Variants in TCF4 observed in about 807,000 individuals in gnomAD.
TCF4 encodes the protein SL3-3 enhancer factor 2.
Under a neutral mutation model 82.1 loss-of-function variants are expected in TCF4, and 3 were observed. The ratio of observed to expected loss-of-function variants is 0.04; its 90% confidence interval spans 0.02 to 0.09. The LOEUF is 0.09. Among genes scored for constraint, TCF4 ranks in the 10% least tolerant of loss-of-function variants. TCF4 has a pLI of 1.00. For missense variants in TCF4, 518 were observed against 852.7 expected (o/e 0.61, Z 4.89); for synonymous variants, 276 against 309.6 (o/e 0.89, Z 1.14).
At chr18:55,257,605 C>G in intron 13 of TCF4, 1 of 594,656 alleles carries the variant, frequency 1.7e-6, no homozygotes. Flanking sequence ...TCACAATTCC[C>G]CCAGGCTGGC....
intron 3 of TCF4, among the ~76,000 whole-genome samples, chr18:55,563,375 G>A (rs898461439): frequency 2.0e-5 from 3 of 151,608 alleles, no homozygotes; most frequent in African/African-American, 7.3e-5. Context: ...TTTCTCATCC[G>A]TGAATTCAAG....
intron 5 of TCF4, among the ~76,000 whole-genome samples, chr18:55,458,530 G>A (rs1022904695): frequency 3.3e-5 from 5 of 152,200 alleles, no homozygotes; most frequent in East Asian, 1.9e-4. Flanking sequence ...ATTAATTGTC[G>A]TTAATTTCTT....
At chr18:55,548,343 A>G (rs2097224450) in intron 3 of TCF4, among the ~76,000 whole-genome samples, 2 of 152,212 alleles carry the variant, frequency 1.3e-5, no homozygotes, top group African/African-American at 4.8e-5. Context: ...CTGTAGCCAC[A>G]CAGATCTTGC....
intron 6 of TCF4, chr18:55,400,930 T>C (rs1166462730): frequency 4.7e-6 from 6 of 1,284,798 alleles, no homozygotes; most frequent in African/African-American, 1.5e-5. Flanking sequence ...CATCTGAAGG[T>C]TTCCTATTCC....
intron 14 of TCF4, among the ~76,000 whole-genome samples, chr18:55,256,268 C>T (rs564830398): frequency 6.6e-6 from 1 of 152,088 alleles, no homozygotes; most frequent in African/African-American, 2.4e-5. Context: ...ACTATACACC[C>T]CGTCTTTACA....
chr18:55,528,541 C>A (rs2097019284), intron 3 of TCF4, among the ~76,000 whole-genome samples: 1 of 152,180 alleles, frequency 6.6e-6, no homozygotes, highest in Non-Finnish European at 1.5e-5. Flanking sequence ...GATATTCTAA[C>A]AGTATATTTT....
chr18:55,347,273 A>C (rs1484403633), intron 8 of TCF4, among the ~76,000 whole-genome samples: 1 of 152,280 alleles, frequency 6.6e-6, no homozygotes, highest in Admixed American at 6.5e-5. Flanking sequence ...GAAGATAAAA[A>C]TGTACTGCAG....
In TCF4 at chr18:55,426,099, T is replaced by TTATATATATA. The variant is rs35262105; in HGVS notation, c.305-22591_305-22582dup. On this transcript the variant is annotated intron_variant, in intron 5 of 19. Transcript: ENST00000354452. Reference sequence around the variant, plus strand: ...AAAACACAAACCAAGACAAAAAATTTTATATATATATATATATATACACAC... The same window carrying TTATATATATA: ...AAAACACAAACCAAGACAAAAAATTTTATATATATATATATATATATATATATATACACAC... Among the ~76,000 whole-genome samples, 214 of 139,128 alleles carry TTATATATATA rather than the reference T, an allele frequency of 1.5e-3. 1 individual carries two copies. The highest frequency in any genetic ancestry group is 3.8e-3 in the African/African-American group (136 of 35,386). The allele number at this position is 139,128 out of a possible 152,430, so 91.3% of individuals were successfully genotyped here.
intron 3 of TCF4, among the ~76,000 whole-genome samples, chr18:55,573,515 C>T (rs1268390646): frequency 6.6e-6 from 1 of 152,212 alleles, no homozygotes; most frequent in Non-Finnish European, 1.5e-5. Flanking sequence ...AGACACAAAT[C>T]TGATTAGCAG....
intron 5 of TCF4, among the ~76,000 whole-genome samples, chr18:55,430,745 GA>G (rs553724147): frequency 9.4e-4 from 143 of 152,306 alleles, no homozygotes; most frequent in African/African-American, 3.3e-3. Flanking sequence ...AACAGGGCTA[GA>G]AAAAAATCAT....
intron 3 of TCF4, among the ~76,000 whole-genome samples, chr18:55,509,905 T>C (rs2096806412): frequency 6.6e-6 from 1 of 152,178 alleles, no homozygotes; most frequent in South Asian, 2.1e-4. Flanking sequence ...AAGCGTAGCT[T>C]TCAAGAGTTG....
intron 3 of TCF4, among the ~76,000 whole-genome samples, chr18:55,560,420 A>C (rs1488466846): frequency 6.6e-6 from 1 of 152,202 alleles, no homozygotes; most frequent in African/African-American, 2.4e-5. Flanking sequence ...TGTCATCAGA[A>C]GAGTTAATTC....
intron 3 of TCF4, among the ~76,000 whole-genome samples, chr18:55,491,370 G>A (rs1039157452): frequency 5.0e-4 from 76 of 152,140 alleles, no homozygotes; most frequent in African/African-American, 1.8e-3. Flanking sequence ...GCAATCCGCA[G>A]GCACCTGTCA....
intron 5 of TCF4, among the ~76,000 whole-genome samples, chr18:55,440,145 A>G (rs972149313): frequency 5.3e-5 from 8 of 152,254 alleles, no homozygotes; most frequent in East Asian, 1.9e-4. Context: ...CCCAGCCACA[A>G]TCATTTTTCT....
rs1200609679 is a variant in TCF4 at position 55,227,015 on chromosome 18, T to C, written c.*1020A>G. Reference sequence around the variant, plus strand: ...CCAGAATAGGTTCACAAACGCAACATTACAATTCAGACAAACTCTTTTTGC... The same window carrying C: ...CCAGAATAGGTTCACAAACGCAACACTACAATTCAGACAAACTCTTTTTGC... On this transcript the variant is annotated 3_prime_UTR_variant, in exon 20 of 20. Coordinates refer to ENST00000354452, the MANE Select transcript of TCF4 (RefSeq NM_001083962.2). 6.6e-6 allele frequency: 1 copy of C among 152,620 alleles called. No individual in the cohort carries two copies. Among genetic ancestry groups the C allele is most frequent in the Non-Finnish European group, 1.5e-5 (1 of 68,034 alleles). The allele number at this position is 152,620 out of a possible 1,614,324, so 9.5% of individuals were successfully genotyped here.
chr18:55,290,839 AAC>A (rs34841700), intron 8 of TCF4, among the ~76,000 whole-genome samples: 3,469 of 152,264 alleles, frequency 0.023, 140 homozygotes, highest in African/African-American at 0.079. Flanking sequence ...CCAAGATTCT[AAC>A]AGACATAAAA....
intron 5 of TCF4, among the ~76,000 whole-genome samples, chr18:55,406,375 C>CA (rs2094089966): frequency 6.6e-6 from 1 of 151,926 alleles, no homozygotes; most frequent in Non-Finnish European, 1.5e-5. Flanking sequence ...CGCACCTTCT[C>CA]AAACATAAAA....
intron 2 of TCF4, among the ~76,000 whole-genome samples, chr18:55,610,883 A>G (rs758837235): frequency 2.0e-5 from 3 of 152,192 alleles, no homozygotes; most frequent in Non-Finnish European, 4.4e-5. Context: ...ATGTACTGAA[A>G]CGCAGCAATT....
intron 3 of TCF4, among the ~76,000 whole-genome samples, chr18:55,486,700 G>C (rs2096520963): frequency 6.6e-6 from 1 of 152,156 alleles, no homozygotes; most frequent in Non-Finnish European, 1.5e-5. Flanking sequence ...TGAAATCGTA[G>C]AGCCCAGGTA....
Sources: allele counts gnomAD v4.1 joint callset (sites outside exome capture counted in the v4.1 genomes callset), GRCh38; gene constraint gnomAD v4.1.1; transcripts MANE v1.5; gene names NCBI Gene and HGNC (gene_info 2026-07-23, HGNC 2026-07-21).